ALDH1L1: variants seen among roughly 807,000 people sequenced by gnomAD.
ALDH1L1 encodes cytosolic 10-formyltetrahydrofolate dehydrogenase.
ALDH1L1 carries 68 observed loss-of-function variants against 101.1 expected under a neutral mutation model. The ratio of observed to expected loss-of-function variants is 0.67; its 90% CI spans 0.55 to 0.82. The LOEUF (loss-of-function observed/expected upper bound fraction) is 0.82, where lower values mean the gene tolerates loss of function less well. Among genes scored for constraint, ALDH1L1 ranks in the 40% least tolerant of loss-of-function variants. ALDH1L1 has a pLI of 0.00. For synonymous variants in ALDH1L1, 486 were observed against 470.8 expected (o/e 1.03, Z -0.42); for missense variants, 1,087 against 1,172.7 (o/e 0.93, Z 1.07).
chr3:126,187,718 T>G (rs1223590247), intron 1 of ALDH1L1, among the ~76,000 whole-genome samples: 1 of 152,090 alleles, frequency 6.6e-6, no homozygotes, highest in African/African-American at 2.4e-5. Context: ...GGACTGCAGA[T>G]TCTGAGCTGG....
chr3:126,115,892 A>G, intron 17 of ALDH1L1, among the ~76,000 whole-genome samples: 1 of 150,620 alleles, frequency 6.6e-6, no homozygotes, highest in Non-Finnish European at 1.5e-5. Context: ...TTTTCCTTTG[A>G]GATAGAGTCA....
At chr3:126,186,930 AGCC>A (rs1373642724) in intron 1 of ALDH1L1, among the ~76,000 whole-genome samples, 2 of 152,188 alleles carry the variant, frequency 1.3e-5, no homozygotes, top group Admixed American at 1.3e-4. Context: ...CAGTAGCACC[AGCC>A]GCCACCACCT....
chr3:126,160,752 C>A (rs2081027668), intron 2 of ALDH1L1, 101 bp downstream of exon 2: 9 of 1,524,992 alleles, frequency 5.9e-6, no homozygotes, highest in Non-Finnish European at 8.0e-6. Context: ...AGAGCACAGG[C>A]CCTGCAGACT....
intron 14 of ALDH1L1, among the ~76,000 whole-genome samples, chr3:126,127,135 G>A: frequency 6.6e-6 from 1 of 152,164 alleles, no homozygotes; most frequent in East Asian, 1.9e-4. Context: ...TGGATTGGTG[G>A]TCTCTTCTAC....
chr3:126,131,594 T>C (rs2080308876), intron 12 of ALDH1L1, 60 bp from the exon 13 acceptor site: 8 of 1,538,898 alleles, frequency 5.2e-6, no homozygotes, highest in Non-Finnish European at 7.1e-6. Context: ...TCATCTGCCC[T>C]CACAAGGCCC....
chr3:126,123,289 G>A (rs1347752475), intron 16 of ALDH1L1, among the ~76,000 whole-genome samples: 2 of 145,346 alleles, frequency 1.4e-5, no homozygotes, highest in African/African-American at 2.6e-5. Context: ...ACAGAGTCTC[G>A]CTCTGTTACC....
chr3:126,170,424 TAAAAAAAA>T lies in ALDH1L1; in HGVS notation c.-23-9430_-23-9423del, dbSNP rs59239455. 7.3e-3 allele frequency among the ~76,000 whole-genome samples: 883 copies of T among 121,200 alleles called. 15 individuals are homozygous for T. The highest frequency in any genetic ancestry group is 0.027 in the African/African-American group (850 of 31,570). 79.5% of individuals were successfully genotyped at this position (121,200 alleles called of 152,430 possible). ...CCAAACATGCACCTCTGCCTGTCATTAAAAAAAAAAAAAAAAAAAGTTACTTCTGTCTC... is the reference window on the plus strand; with the variant it reads ...CCAAACATGCACCTCTGCCTGTCATTAAAAAAAAAAAGTTACTTCTGTCTC... On this transcript the variant is annotated intron_variant, in intron 1 of 22. Coordinates refer to ENST00000393434, the MANE Select transcript of ALDH1L1 (RefSeq NM_012190.4).
At chr3:126,196,856 G>A (rs2081584345) in intron 1 of ALDH1L1, among the ~76,000 whole-genome samples, 1 of 152,200 alleles carries the variant, frequency 6.6e-6, no homozygotes, top group Non-Finnish European at 1.5e-5. Context: ...AATGTGAAAG[G>A]ACAAAACCTT....
intron 14 of ALDH1L1, chr3:126,129,367 G>T (rs1239929063): frequency 6.6e-6 from 1 of 152,328 alleles, no homozygotes; most frequent in East Asian, 1.9e-4. Flanking sequence ...CCCCTACCCT[G>T]CAAGGGGCAC....
intron 1 of ALDH1L1, among the ~76,000 whole-genome samples, chr3:126,191,586 T>C (rs2081553668): frequency 6.6e-6 from 1 of 152,192 alleles, no homozygotes; most frequent in Non-Finnish European, 1.5e-5. Flanking sequence ...GCTCATACAA[T>C]GGTGAGATGG....
chr3:126,105,340 CT>C, intron 22 of ALDH1L1: 1 of 346,190 alleles, frequency 2.9e-6, no homozygotes, highest in Non-Finnish European at 5.7e-6. Flanking sequence ...CTCTCTGCAG[CT>C]CCACGACCAA....
intron 1 of ALDH1L1, among the ~76,000 whole-genome samples, chr3:126,163,686 T>C (rs1416932243): frequency 2.0e-5 from 3 of 152,250 alleles, no homozygotes; most frequent in Non-Finnish European, 4.4e-5. Context: ...ATTTTTATTT[T>C]ATTGTGGTGG....
At chr3:126,159,944 C>G (rs188955924) in intron 2 of ALDH1L1, among the ~76,000 whole-genome samples, 4 of 152,278 alleles carry the variant, frequency 2.6e-5, no homozygotes, top group South Asian at 2.1e-4. Flanking sequence ...GGCCTACAAG[C>G]CCCCTTTCCT....
At chr3:126,117,074 T>C (rs1167404241) in intron 17 of ALDH1L1, among the ~76,000 whole-genome samples, 1 of 151,842 alleles carries the variant, frequency 6.6e-6, no homozygotes, top group Non-Finnish European at 1.5e-5. Flanking sequence ...CAAAACCCCA[T>C]CTCTACAAAA....
chr3:126,187,241 T>C (rs1266451826), intron 1 of ALDH1L1, among the ~76,000 whole-genome samples: 1 of 151,700 alleles, frequency 6.6e-6, no homozygotes, highest in Non-Finnish European at 1.5e-5. Flanking sequence ...GAATCAGTAG[T>C]GTCTGTGGTT....
At chr3:126,181,010 G>T (rs139632792), upstream of ALDH1L1, 3 of 1,604,712 alleles carry the variant, frequency 1.9e-6, no homozygotes, top group Non-Finnish European at 1.7e-6. Flanking sequence ...GCTGCCCTCC[G>T]GGAATTTGCA....
At chr3:126,144,719 AACTTAAG>A (rs944140476) in intron 9 of ALDH1L1, among the ~76,000 whole-genome samples, 2 of 152,220 alleles carry the variant, frequency 1.3e-5, no homozygotes, top group Non-Finnish European at 2.9e-5. Flanking sequence ...ATATATGAAA[AACTTAAG>A]ACTTAAAACT....
At chr3:126,179,028 G>A (rs1263493811) in intron 1 of ALDH1L1, among the ~76,000 whole-genome samples, 1 of 152,226 alleles carries the variant, frequency 6.6e-6, no homozygotes, top group Non-Finnish European at 1.5e-5. Flanking sequence ...ACAGTCCAGG[G>A]AAAGCCAGAA....
intron 1 of ALDH1L1, among the ~76,000 whole-genome samples, chr3:126,188,110 G>A (rs996687701): frequency 2.0e-5 from 3 of 152,152 alleles, no homozygotes; most frequent in Non-Finnish European, 2.9e-5. Flanking sequence ...TGAAGCAGCC[G>A]GCTGCCTGTT....
Sources: allele counts gnomAD v4.1 joint callset (sites outside exome capture counted in the v4.1 genomes callset), GRCh38; gene constraint gnomAD v4.1.1; transcripts MANE v1.5; gene names NCBI Gene and HGNC (gene_info 2026-07-23, HGNC 2026-07-21).